Variants in TBC1D22A observed in about 807,000 individuals in gnomAD.
The protein encoded by TBC1D22A is TBC1 domain family member 22A.
In TBC1D22A, 38 loss-of-function variants were observed where a neutral mutation model predicts 60.2. That is an observed-to-expected ratio of 0.63 (90% confidence interval 0.49 to 0.83). The LOEUF is 0.83. Among genes scored for constraint, TBC1D22A ranks in the 40% least tolerant of loss-of-function variants. TBC1D22A has a pLI of 0.00. For synonymous variants in TBC1D22A, 302 were observed against 281.7 expected, an observed-to-expected ratio of 1.07 and a Z score of -0.72; for missense variants, 628 against 701.0, an observed-to-expected ratio of 0.90 and a Z score of 1.18.
At chr22:46,898,380 G>A (rs915117240) in intron 7 of TBC1D22A, among the ~76,000 whole-genome samples, 3 of 152,278 alleles carry the variant, frequency 2.0e-5, no homozygotes, top group Admixed American at 6.5e-5. Flanking sequence ...AAGGACACAC[G>A]CCTGGGAGAC....
At chr22:47,020,927 T>A (rs2062064962) in intron 10 of TBC1D22A, among the ~76,000 whole-genome samples, 1 of 151,870 alleles carries the variant, frequency 6.6e-6, no homozygotes, top group African/African-American at 2.4e-5. Flanking sequence ...TTCCCTTTGC[T>A]TCTGAAGTAA....
chr22:46,907,980 A>C (rs1416343350), intron 7 of TBC1D22A, among the ~76,000 whole-genome samples: 1 of 152,192 alleles, frequency 6.6e-6, no homozygotes, highest in Non-Finnish European at 1.5e-5. Flanking sequence ...GGGCCTGGTG[A>C]GAGAGCACCC....
intron 1 of TBC1D22A, among the ~76,000 whole-genome samples, chr22:46,781,167 G>T (rs1438964545): frequency 1.4e-5 from 2 of 142,092 alleles, no homozygotes; most frequent in Non-Finnish European, 3.0e-5. Flanking sequence ...TAGACAGGGT[G>T]TCATTCTGTT....
intron 10 of TBC1D22A, among the ~76,000 whole-genome samples, chr22:47,003,418 T>C (rs187893362): frequency 4.5e-3 from 465 of 102,862 alleles, no homozygotes; most frequent in Middle Eastern, 0.015. Flanking sequence ...TGTACACACA[T>C]ACCCTACGCA....
chr22:46,892,136 G>A (rs996546622), intron 6 of TBC1D22A, among the ~76,000 whole-genome samples: 1 of 152,102 alleles, frequency 6.6e-6, no homozygotes, highest in Non-Finnish European at 1.5e-5. Context: ...TTCTTAATTG[G>A]TATTATTGTC....
chr22:47,000,796 G>GA (rs2061380610), intron 10 of TBC1D22A, among the ~76,000 whole-genome samples: 1 of 150,642 alleles, frequency 6.6e-6, no homozygotes, highest in Non-Finnish European at 1.5e-5. Context: ...CACTGGATAA[G>GA]ACCTTTTTGT....
intron 9 of TBC1D22A, among the ~76,000 whole-genome samples, chr22:46,976,412 C>G (rs1157090819): frequency 5.9e-5 from 9 of 152,334 alleles, no homozygotes; most frequent in Admixed American, 5.9e-4. Flanking sequence ...TCAGTTCCCA[C>G]CATCCAGGGG....
At chr22:47,100,823 C>CCCT (rs1369610903) in intron 11 of TBC1D22A, among the ~76,000 whole-genome samples, 1 of 152,102 alleles carries the variant, frequency 6.6e-6, no homozygotes, top group African/African-American at 2.4e-5. Flanking sequence ...TGAGGTGGGC[C>CCCT]CCTCCTCCCC....
At chr22:47,004,552 G>T (rs1425698055) in intron 10 of TBC1D22A, among the ~76,000 whole-genome samples, 1 of 133,484 alleles carries the variant, frequency 7.5e-6, no homozygotes, top group Non-Finnish European at 1.6e-5. Flanking sequence ...ACACAGGCAG[G>T]CTCCTGTACA....
intron 8 of TBC1D22A, among the ~76,000 whole-genome samples, chr22:46,965,168 T>A (rs2073737868): frequency 6.6e-6 from 1 of 152,264 alleles, no homozygotes; most frequent in Non-Finnish European, 1.5e-5. Context: ...CTGCCTCATC[T>A]GAACAGCAGA....
intron 8 of TBC1D22A, among the ~76,000 whole-genome samples, chr22:46,958,935 G>T (rs370660309): frequency 6.6e-6 from 1 of 152,150 alleles, no homozygotes; most frequent in East Asian, 1.9e-4. Context: ...ATGTTTTCAC[G>T]ACACAATACA....
chr22:46,841,742 A>G (rs2086781470), intron 4 of TBC1D22A, among the ~76,000 whole-genome samples: 1 of 152,220 alleles, frequency 6.6e-6, no homozygotes, highest in African/African-American at 2.4e-5. Flanking sequence ...TATACGATGA[A>G]TCAGTTCTAG....
intron 3 of TBC1D22A, among the ~76,000 whole-genome samples, chr22:46,795,193 G>T (rs2084598959): frequency 6.6e-6 from 1 of 152,226 alleles, no homozygotes; most frequent in Admixed American, 6.5e-5. Flanking sequence ...AGCATGCACT[G>T]ACCGCCTTCT....
intron 8 of TBC1D22A, among the ~76,000 whole-genome samples, chr22:46,953,020 C>T (rs886117620): frequency 1.6e-4 from 25 of 152,094 alleles, no homozygotes; most frequent in African/African-American, 5.8e-4. Context: ...TTCCTTGCTT[C>T]CCATACTGCA....
chr22:47,119,793 C>T (rs774191391), intron 12 of TBC1D22A, among the ~76,000 whole-genome samples: 13 of 152,192 alleles, frequency 8.5e-5, no homozygotes, highest in Non-Finnish European at 1.6e-4. Context: ...TCGTGCCAGG[C>T]CTAGACTGGG....
intron 5 of TBC1D22A, among the ~76,000 whole-genome samples, chr22:46,881,589 G>A (rs997177117): frequency 6.6e-6 from 1 of 152,228 alleles, no homozygotes; most frequent in African/African-American, 2.4e-5. Context: ...GGCTGTTCTT[G>A]CCCAGTGTCT....
intron 11 of TBC1D22A, among the ~76,000 whole-genome samples, chr22:47,066,368 C>T (rs1183164365): frequency 2.1e-5 from 3 of 146,334 alleles, no homozygotes; most frequent in South Asian, 2.3e-4. Context: ...GACGTACGTG[C>T]GGGACTAGAG....
At chr22:47,072,184 T>C (rs764675819) in intron 11 of TBC1D22A, among the ~76,000 whole-genome samples, 7 of 151,572 alleles carry the variant, frequency 4.6e-5, no homozygotes, top group Admixed American at 3.3e-4. Context: ...AAAAGAGGAG[T>C]GGGGCAGAGC....
intron 12 of TBC1D22A, among the ~76,000 whole-genome samples, chr22:47,147,457 C>T (rs575796265): frequency 5.9e-5 from 9 of 152,234 alleles, no homozygotes; most frequent in African/African-American, 1.4e-4. Context: ...GGTGGTCTGT[C>T]GGAGGGCTCC....
Sources: gnomAD v4.1 joint callset for allele counts (sites outside exome capture counted in the v4.1 genomes callset) on GRCh38, gnomAD v4.1.1 for gene constraint, MANE v1.5 for transcripts, NCBI Gene and HGNC (gene_info 2026-07-23, HGNC 2026-07-21) for gene names.